The following THRAP3 variants were observed in gnomAD, a reference collection of about 807,000 sequenced individuals.
The protein encoded by THRAP3 is thyroid hormone receptor-associated protein 3.
A neutral mutation model predicts 101.0 loss-of-function variants in THRAP3; 16 were observed. That is an observed-to-expected ratio of 0.16 (90% CI 0.11 to 0.24). The LOEUF (loss-of-function observed/expected upper bound fraction) is 0.24. THRAP3 is among the 10% of genes least tolerant of loss of function. The pLI is 1.00. For synonymous variants in THRAP3, 407 were observed against 422.6 expected (o/e 0.96, Z 0.45); for missense variants, 989 against 1,202.7 (o/e 0.82, Z 2.63).
chr1:36,278,887 C>T (rs1333300734), intron 2 of THRAP3, among the ~76,000 whole-genome samples: 2 of 151,546 alleles, frequency 1.3e-5, no homozygotes, highest in African/African-American at 4.9e-5. Context: ...CATGCCATTG[C>T]ACTCTAGCCT....
chr1:36,283,180 T>A (rs1006395420), intron 3 of THRAP3, among the ~76,000 whole-genome samples: 7 of 152,250 alleles, frequency 4.6e-5, no homozygotes, highest in African/African-American at 1.7e-4. Flanking sequence ...TGCCAATTAC[T>A]AACAAGCTGC....
chr1:36,295,569 C>CTTCCTTCCTTCCTTCCT (rs1645936489), intron 8 of THRAP3, among the ~76,000 whole-genome samples: 2 of 151,704 alleles, frequency 1.3e-5, no homozygotes, highest in African/African-American at 4.8e-5. Flanking sequence ...TCCTTCCTTC[C>CTTCCTTCCTTCCTTCCT]TTCCTTCCCT....
chr1:36,233,395 A>G (rs1645050778), intron 1 of THRAP3, among the ~76,000 whole-genome samples: 1 of 151,720 alleles, frequency 6.6e-6, no homozygotes, highest in African/African-American at 2.4e-5. Flanking sequence ...AGTCCCAGCT[A>G]CTTGGGAGGC....
chr1:36,257,025 G>A (rs1269554345), intron 1 of THRAP3, among the ~76,000 whole-genome samples: 2 of 151,892 alleles, frequency 1.3e-5, no homozygotes, highest in African/African-American at 4.8e-5. Flanking sequence ...TTGAACTCCC[G>A]ACCTCAGGTG....
intron 1 of THRAP3, among the ~76,000 whole-genome samples, chr1:36,251,711 T>G (rs1397515090): frequency 1.3e-5 from 2 of 152,252 alleles, no homozygotes; most frequent in East Asian, 3.8e-4. Flanking sequence ...CTTTTCACTG[T>G]CATTTTGATA....
chr1:36,256,115 C>T (rs1013716877), intron 1 of THRAP3, among the ~76,000 whole-genome samples: 2 of 151,804 alleles, frequency 1.3e-5, no homozygotes, highest in Admixed American at 6.6e-5. Context: ...CTCTTGGGCT[C>T]AGGCAGTTCT....
chr1:36,304,457 T>C lies in THRAP3; in HGVS notation c.*440T>C, dbSNP rs1363373635. On this transcript the variant is annotated 3_prime_UTR_variant, in exon 12 of 12. Transcript: ENST00000354618. ...TTAAAAGCCCCCTCCTTTTTTTTTT[T>C]TTTTTTCTTTTTTTAGGCATATGTA... 22 of 227,752 alleles carry C rather than the reference T, an allele frequency of 9.7e-5. No homozygotes were observed. The highest frequency in any genetic ancestry group is 1.9e-4 in the Non-Finnish European group (22 of 114,776). The allele number at this position is 227,752 out of a possible 1,614,324, so 14.1% of individuals were successfully genotyped here.
rs145719985 is a variant in THRAP3 at position 36,291,856 on chromosome 1, C to CT, written c.1918+311dup. 6.5e-4 allele frequency among the ~76,000 whole-genome samples: 99 copies of CT among 152,340 alleles called. 1 individual carries two copies. The highest frequency in any genetic ancestry group is 1.0e-3 in the Admixed American group (16 of 15,300). On this transcript the variant is annotated intron_variant, in intron 6 of 11. Coordinates refer to ENST00000354618, the MANE Select transcript of THRAP3 (RefSeq NM_005119.4). ...TTCTAGCATCTCTGTCTTCTCCCCT[C>CT]TAAGTGATCTCTTATGGACCTTCTG...
chr1:36,252,944 A>ATATATG (rs2124461244), intron 1 of THRAP3, among the ~76,000 whole-genome samples: 1 of 113,806 alleles, frequency 8.8e-6, no homozygotes, highest in African/African-American at 3.2e-5. Context: ...ATATATATAT[A>ATATATG]TATATATATA....
At chr1:36,245,494 A>G (rs1218960331) in intron 1 of THRAP3, among the ~76,000 whole-genome samples, 1 of 152,110 alleles carries the variant, frequency 6.6e-6, no homozygotes, top group African/African-American at 2.4e-5. Flanking sequence ...ACAGGTAAAC[A>G]AACTCCTTAA....
upstream of THRAP3, among the ~76,000 whole-genome samples, chr1:36,220,409 C>T (rs1644895988): frequency 6.6e-6 from 1 of 152,166 alleles, no homozygotes; most frequent in Admixed American, 6.6e-5. Flanking sequence ...GGTGTGGTGG[C>T]TCATACCCAT....
chr1:36,261,907 G>A (rs896636936), intron 2 of THRAP3, among the ~76,000 whole-genome samples: 1 of 152,090 alleles, frequency 6.6e-6, no homozygotes, highest in Non-Finnish European at 1.5e-5. Context: ...AACAGGAAAG[G>A]CTTAGTGGGT....
intron 1 of THRAP3, among the ~76,000 whole-genome samples, chr1:36,229,810 G>A (rs1645005956): frequency 6.7e-6 from 1 of 150,334 alleles, no homozygotes; most frequent in African/African-American, 2.5e-5. Flanking sequence ...GTACCACCAT[G>A]CCCAGCTAAT....
rs1418895589 is a variant in THRAP3 at position 36,291,536 on chromosome 1, C to T, written c.1908C>T (p.His636=). 5 of 1,614,054 alleles carry T rather than the reference C, an allele frequency of 3.1e-6. No homozygotes were observed. Among genetic ancestry groups the T allele is most frequent in the Non-Finnish European group, 4.2e-6 (5 of 1,180,018 alleles). ...LFAQHIVTIV[H]HVKEHHFGSS... is the part of the protein sequence containing the mutation. ...CCCAACATATAGTGACCATTGTTCA[C>T]CATGTTAAAGGTGAGTCCAGACCCT... is the stretch of plus-strand genomic sequence containing the variant. The change falls in exon 6 of 12, where the codon CAC becomes CAT. Residue 636 remains histidine, a synonymous_variant. Coordinates refer to ENST00000354618, the MANE Select transcript of THRAP3 (RefSeq NM_005119.4).
chr1:36,266,020 G>A (rs761961519), intron 2 of THRAP3, among the ~76,000 whole-genome samples: 8 of 152,048 alleles, frequency 5.3e-5, no homozygotes, highest in Non-Finnish European at 1.0e-4. Flanking sequence ...CAGGCATGGT[G>A]ACATGCACCT....
chr1:36,232,387 A>G (rs768198443), intron 1 of THRAP3, among the ~76,000 whole-genome samples: 1 of 152,102 alleles, frequency 6.6e-6, no homozygotes, highest in Admixed American at 6.6e-5. Context: ...ACATGTATCT[A>G]TTACATTGGG....
intron 1 of THRAP3, among the ~76,000 whole-genome samples, chr1:36,239,201 G>C (rs1645125863): frequency 6.6e-6 from 1 of 150,594 alleles, no homozygotes; most frequent in African/African-American, 2.4e-5. Context: ...ACCATGCCCG[G>C]CCGTGTTTTT....
chr1:36,250,774 G>T (rs1476473419), intron 1 of THRAP3, among the ~76,000 whole-genome samples: 1 of 151,620 alleles, frequency 6.6e-6, no homozygotes, highest in South Asian at 2.1e-4. Flanking sequence ...TTAGTTGGGC[G>T]TGGTGGTGCG....
intron 11 of THRAP3, among the ~76,000 whole-genome samples, chr1:36,303,564 C>A (rs1394496416): frequency 6.6e-6 from 1 of 152,156 alleles, no homozygotes; most frequent in Non-Finnish European, 1.5e-5. Context: ...ATCATCGTTA[C>A]AATGCCCAAG....
Sources: gnomAD v4.1 joint callset for allele counts (sites outside exome capture counted in the v4.1 genomes callset) on GRCh38, gnomAD v4.1.1 for gene constraint, MANE v1.5 for transcripts, NCBI Gene and HGNC (gene_info 2026-07-23, HGNC 2026-07-21) for gene names.